SHC4: variants seen among roughly 807,000 people sequenced by gnomAD.
SHC4 encodes SHC adaptor protein 4.
SHC4 carries 41 observed loss-of-function variants against 69.4 expected under a neutral mutation model. That is an observed-to-expected ratio of 0.59 (90% CI 0.46 to 0.77). SHC4 has a LOEUF of 0.77. Among genes scored for constraint, SHC4 ranks in the 30% least tolerant of loss-of-function variants. The pLI is 0.00. For missense variants in SHC4, 777 were observed against 783.8 expected (o/e 0.99, Z 0.10); for synonymous variants, 318 against 299.3 (o/e 1.06, Z -0.64).
intron 2 of SHC4, among the ~76,000 whole-genome samples, chr15:48,910,939 T>C (rs1315587591): frequency 6.6e-6 from 1 of 152,224 alleles, no homozygotes; most frequent in African/African-American, 2.4e-5. Flanking sequence ...GTGCTTGATA[T>C]AATTTCAACT....
intron 2 of SHC4, among the ~76,000 whole-genome samples, chr15:48,913,748 AG>A (rs1364144170): frequency 1.3e-5 from 2 of 152,056 alleles, no homozygotes; most frequent in Non-Finnish European, 2.9e-5. Flanking sequence ...ATGACCTGCT[AG>A]GGGGCCCAGC....
At chr15:48,876,444 T>C (rs74671311) in intron 4 of SHC4, 1 of 309,122 alleles carries the variant, frequency 3.2e-6, no homozygotes, top group Non-Finnish European at 5.7e-6. Flanking sequence ...AATATATACA[T>C]ATATATATAC....
chr15:48,941,280 G>T (rs1471469844), intron 1 of SHC4, among the ~76,000 whole-genome samples: 1 of 152,182 alleles, frequency 6.6e-6, no homozygotes, highest in African/African-American at 2.4e-5. Context: ...AGGGTCAATA[G>T]GCTAAGGAAC....
chr15:48,883,474 C>T (rs1176042519), intron 4 of SHC4, among the ~76,000 whole-genome samples: 2 of 152,186 alleles, frequency 1.3e-5, no homozygotes, highest in African/African-American at 4.8e-5. Context: ...GCACTCCATA[C>T]AGTAAAACCT....
At chr15:48,898,740 T>C (rs1190809673) in intron 2 of SHC4, among the ~76,000 whole-genome samples, 2 of 152,208 alleles carry the variant, frequency 1.3e-5, no homozygotes, top group Non-Finnish European at 2.9e-5. Context: ...TTTTTTCCTG[T>C]CCCCACAGAG....
chr15:48,871,431 C>T (rs1899675733), intron 5 of SHC4, among the ~76,000 whole-genome samples: 1 of 152,204 alleles, frequency 6.6e-6, no homozygotes, highest in African/African-American at 2.4e-5. Flanking sequence ...GTTGCAGGCT[C>T]CCTAGCTTCA....
At position 48,855,961 on chromosome 15, in the gene SHC4, A is replaced by G. The variant is rs113719757; in HGVS notation, c.1234T>C (p.Cys412Arg). 1 of 1,609,114 alleles carries G rather than the reference A, an allele frequency of 6.2e-7. No individual in the cohort carries two copies. Among genetic ancestry groups the G allele is most frequent in the Non-Finnish European group, 8.5e-7 (1 of 1,177,636 alleles). ...AYCPIQCEKLCYLPGNSKCSS... is the reference protein window; with the variant it reads ...AYCPIQCEKLRYLPGNSKCSS... ...AATAAAACATTACATACCAAATAGC[A>G]CAACTTTTCACACTGTATGGGGCAG... The change falls in exon 8 of 12, where the codon TGC becomes CGC. Residue 412 changes from cysteine (C) to arginine (R), a missense_variant. Coordinates refer to ENST00000332408, the MANE Select transcript of SHC4 (RefSeq NM_203349.4).
chr15:48,862,728 T>C (rs1442840476), intron 6 of SHC4, among the ~76,000 whole-genome samples: 1 of 152,184 alleles, frequency 6.6e-6, no homozygotes, highest in Non-Finnish European at 1.5e-5. Flanking sequence ...CGAAATAGCA[T>C]CTTCCCACCC....
At chr15:48,888,084 T>C (rs183272704) in intron 3 of SHC4, among the ~76,000 whole-genome samples, 2 of 152,260 alleles carry the variant, frequency 1.3e-5, no homozygotes, top group Admixed American at 1.3e-4. Flanking sequence ...AAAAATAGAA[T>C]AACCACATGA....
chr15:48,834,968 G>T lies in SHC4; in HGVS notation c.1538C>A (p.Ser513Tyr). ...GATAQPASSH[S>Y]LPHIKQQLWS... is the part of the protein sequence containing the mutation. The stretch of plus-strand genomic sequence containing the variant: ...CAGCTGCTGCTTAATGTGTGGCAAA[G>T]AATGTGAGCTGGCAGGCTGGGCTGT... Residue 513 changes from serine to tyrosine, a missense_variant, in exon 11 of 12, where the codon TCT becomes TAT. Transcript: ENST00000332408. 6.2e-7 allele frequency: 1 copy of T among 1,613,302 alleles called. No homozygotes were observed. Among genetic ancestry groups the T allele is most frequent in the Non-Finnish European group, 8.5e-7 (1 of 1,179,602 alleles).
chr15:48,937,495 G>A (rs988252312), intron 1 of SHC4, among the ~76,000 whole-genome samples: 3 of 151,988 alleles, frequency 2.0e-5, no homozygotes, highest in Non-Finnish European at 4.4e-5. Flanking sequence ...TCATCTTTCC[G>A]ATCCTGACCT....
intron 4 of SHC4, chr15:48,878,855 T>G: frequency 9.4e-7 from 1 of 1,058,772 alleles, no homozygotes; most frequent in Non-Finnish European, 1.4e-6. Context: ...TTCAAAAAAA[T>G]TTGTTTTTCA....
intron 2 of SHC4, 51 bp downstream of exon 2, chr15:48,924,828 T>G (rs773699306): frequency 3.2e-6 from 5 of 1,574,256 alleles, no homozygotes; most frequent in African/African-American, 1.3e-5. Flanking sequence ...GAGAAATTAT[T>G]GTGACTTTAA....
chr15:48,932,581 T>C (rs1217390616), intron 1 of SHC4, among the ~76,000 whole-genome samples: 1 of 152,166 alleles, frequency 6.6e-6, no homozygotes, highest in Non-Finnish European at 1.5e-5. Flanking sequence ...AACCCCTTCC[T>C]TTGCTCCTCC....
At chr15:48,857,601 TA>T in intron 7 of SHC4, 90 bp downstream of exon 7, 1 of 1,173,954 alleles carries the variant, frequency 8.5e-7, no homozygotes, top group South Asian at 2.9e-5. Context: ...AATGCCACAT[TA>T]ATGTTATATA....
chr15:48,863,016 A>C (rs1191218435), intron 6 of SHC4, among the ~76,000 whole-genome samples: 1 of 134,280 alleles, frequency 7.4e-6, no homozygotes, highest in Admixed American at 8.0e-5. Context: ...CCAGCCCCAG[A>C]CCTACTCTCT....
intron 4 of SHC4, chr15:48,878,502 A>G: frequency 2.5e-6 from 4 of 1,614,070 alleles, no homozygotes; most frequent in Non-Finnish European, 3.4e-6. Flanking sequence ...GAGGACGACT[A>G]CGACTATCCC....
chr15:48,866,508 C>A (rs35706368), intron 6 of SHC4, among the ~76,000 whole-genome samples: 21,153 of 152,074 alleles, frequency 0.14, 1,764 homozygotes, highest in Non-Finnish European at 0.19. Flanking sequence ...ATGGATATCC[C>A]TGCCTTAAGT....
At chr15:48,954,321 C>G (rs72741924) in intron 1 of SHC4, among the ~76,000 whole-genome samples, 4 of 152,334 alleles carry the variant, frequency 2.6e-5, no homozygotes, top group Middle Eastern at 6.8e-3. Flanking sequence ...TCTGACTGGA[C>G]TCAGCAGAGG....
Sources: allele counts gnomAD v4.1 joint callset (sites outside exome capture counted in the v4.1 genomes callset), GRCh38; gene constraint gnomAD v4.1.1; transcripts MANE v1.5; gene names NCBI Gene and HGNC (gene_info 2026-07-23, HGNC 2026-07-21).